The following SEMA6D variants were observed in gnomAD, a reference collection of about 807,000 sequenced individuals.
SEMA6D encodes semaphorin-6D.
SEMA6D carries 35 observed loss-of-function variants against 106.6 expected under a neutral mutation model. The ratio of observed to expected loss-of-function variants is 0.33; its 90% confidence interval spans 0.25 to 0.44. The LOEUF (loss-of-function observed/expected upper bound fraction) is 0.44. Among genes scored for constraint, SEMA6D ranks in the 20% least tolerant of loss-of-function variants. The pLI, the probability that SEMA6D is intolerant of heterozygous loss-of-function variation, is 1.00. For missense variants in SEMA6D, 1,185 were observed against 1,345.9 expected (o/e 0.88, Z 1.87); for synonymous variants, 499 against 487.7 (o/e 1.02, Z -0.31).
chr15:47,662,885 A>C (rs889045641), intron 4 of SEMA6D, among the ~76,000 whole-genome samples: 6 of 151,710 alleles, frequency 4.0e-5, no homozygotes, highest in Non-Finnish European at 8.8e-5. Context: ...ACACACACAC[A>C]CACCATGAAT....
intron 1 of SEMA6D, among the ~76,000 whole-genome samples, chr15:47,304,744 A>G (rs935871576): frequency 2.0e-5 from 3 of 152,132 alleles, no homozygotes; most frequent in African/African-American, 7.2e-5. Flanking sequence ...CCTAAATTGC[A>G]TTGAGTTGAA....
At chr15:47,346,541 GGTAAT>G (rs2038055639) in intron 1 of SEMA6D, among the ~76,000 whole-genome samples, 2 of 152,118 alleles carry the variant, frequency 1.3e-5, no homozygotes, top group African/African-American at 4.8e-5. Context: ...GATAGCACAA[GGTAAT>G]GGGAGAAGAG....
chr15:47,406,500 A>G (rs1340590867), intron 1 of SEMA6D, among the ~76,000 whole-genome samples: 3 of 152,196 alleles, frequency 2.0e-5, no homozygotes, highest in African/African-American at 7.2e-5. Context: ...TAACAAAAAT[A>G]CACTTTCCAT....
At chr15:47,382,127 A>G (rs1458297769) in intron 1 of SEMA6D, among the ~76,000 whole-genome samples, 1 of 152,198 alleles carries the variant, frequency 6.6e-6, no homozygotes, top group African/African-American at 2.4e-5. Context: ...CCATATTAAC[A>G]TGGCAAAAGA....
intron 2 of SEMA6D, among the ~76,000 whole-genome samples, chr15:47,454,611 A>C (rs1156336202): frequency 6.6e-6 from 1 of 151,608 alleles, no homozygotes; most frequent in Non-Finnish European, 1.5e-5. Flanking sequence ...ACACACACAC[A>C]CACACACACA....
At chr15:47,510,422 T>C (rs1311356906) in intron 3 of SEMA6D, among the ~76,000 whole-genome samples, 1 of 152,192 alleles carries the variant, frequency 6.6e-6, no homozygotes, top group Non-Finnish European at 1.5e-5. Flanking sequence ...TGCTGTAATC[T>C]ACTGTTGTCT....
intron 2 of SEMA6D, among the ~76,000 whole-genome samples, chr15:47,421,083 C>A (rs1014424057): frequency 6.6e-6 from 1 of 152,148 alleles, no homozygotes; most frequent in African/African-American, 2.4e-5. Flanking sequence ...GTGAAGAACA[C>A]ATGATTTAGG....
intron 1 of SEMA6D, chr15:47,718,771 A>C (rs950091851): frequency 2.6e-5 from 4 of 152,202 alleles, no homozygotes; most frequent in African/African-American, 4.8e-5. Flanking sequence ...AGGAAGAGTC[A>C]ATTTTGCTGA....
intron 1 of SEMA6D, among the ~76,000 whole-genome samples, chr15:47,251,547 C>G (rs1433724209): frequency 6.6e-6 from 1 of 152,128 alleles, no homozygotes; most frequent in African/African-American, 2.4e-5. Context: ...CTCAAGATCT[C>G]TGACTCGGTT....
chr15:47,617,274 A>G (rs1238264910), intron 4 of SEMA6D, among the ~76,000 whole-genome samples: 2 of 152,166 alleles, frequency 1.3e-5, no homozygotes, highest in Non-Finnish European at 2.9e-5. Context: ...GCTTGGAGGA[A>G]ACTGGCTGAG....
intron 3 of SEMA6D, among the ~76,000 whole-genome samples, chr15:47,535,456 C>T (rs2045130462): frequency 6.6e-6 from 1 of 152,090 alleles, no homozygotes. Flanking sequence ...CACAAAACAG[C>T]CCCTAGGCCT....
At chr15:47,658,422 A>G (rs1455978995) in intron 4 of SEMA6D, among the ~76,000 whole-genome samples, 1 of 152,208 alleles carries the variant, frequency 6.6e-6, no homozygotes, top group African/African-American at 2.4e-5. Context: ...ACTACAAAAG[A>G]TACATAGATG....
intron 4 of SEMA6D, among the ~76,000 whole-genome samples, chr15:47,693,821 T>C (rs1362160539): frequency 6.6e-6 from 1 of 152,034 alleles, no homozygotes; most frequent in African/African-American, 2.4e-5. Context: ...ATACCTGTTG[T>C]CCCAGCTACT....
At chr15:47,747,928 A>T (rs567497815) in intron 1 of SEMA6D, among the ~76,000 whole-genome samples, 3 of 152,332 alleles carry the variant, frequency 2.0e-5, no homozygotes, top group African/African-American at 7.2e-5. Flanking sequence ...GTCACATAGG[A>T]TTCTTCTCTG....
At chr15:47,475,922 A>G (rs1415748125) in intron 3 of SEMA6D, among the ~76,000 whole-genome samples, 1 of 152,178 alleles carries the variant, frequency 6.6e-6, no homozygotes. Flanking sequence ...TACATGAGCA[A>G]TTTCCTTGAG....
intron 9 of SEMA6D, 110 bp from the exon 10 acceptor site, chr15:47,763,740 G>T (rs2082187371): frequency 4.2e-6 from 4 of 942,472 alleles, no homozygotes; most frequent in Non-Finnish European, 6.8e-6. Flanking sequence ...AGATTTTTTT[G>T]AACCAGATGT....
chr15:47,415,419 G>A (rs187658481), intron 2 of SEMA6D, among the ~76,000 whole-genome samples: 12 of 152,146 alleles, frequency 7.9e-5, no homozygotes, highest in South Asian at 2.1e-4. Context: ...TGGTAAAGCC[G>A]TCTTTCTCAG....
At chr15:47,372,162 G>A (rs940882562) in intron 1 of SEMA6D, among the ~76,000 whole-genome samples, 4 of 152,168 alleles carry the variant, frequency 2.6e-5, no homozygotes, top group Non-Finnish European at 4.4e-5. Flanking sequence ...TTTGACCTTA[G>A]AACTCTTGCT....
At position 47,717,997 on chromosome 15, in the gene SEMA6D, G is replaced by A. The variant is rs144118219; in HGVS notation, c.-55+305G>A. Among the ~76,000 whole-genome samples, 9 of 152,300 alleles carry A rather than the reference G, an allele frequency of 5.9e-5. No homozygotes were observed. In the South Asian group the frequency reaches 1.0e-3, roughly 18 times the overall value. ...CAAAACTGGCAAAGCTGGCGGCTTA[G>A]GGGGAGGGGCAAGTGGACTTGGAGG... On this transcript the variant is annotated intron_variant, in intron 1 of 18. Coordinates refer to ENST00000536845, the MANE Select transcript of SEMA6D (RefSeq NM_001358351.3).
Sources: allele counts gnomAD v4.1 joint callset (sites outside exome capture counted in the v4.1 genomes callset), GRCh38; gene constraint gnomAD v4.1.1; transcripts MANE v1.5; gene names NCBI Gene and HGNC (gene_info 2026-07-23, HGNC 2026-07-21).